CHRDL1: variants seen among roughly 807,000 people sequenced by gnomAD.
The protein encoded by CHRDL1 is chordin like 1.
A neutral mutation model predicts 40.9 loss-of-function variants in CHRDL1; 19 were observed. That is an observed-to-expected ratio of 0.46 (90% CI 0.32 to 0.68). CHRDL1 has a LOEUF of 0.68. Ranked by LOEUF, CHRDL1 falls within the 30% of genes least tolerant of loss-of-function variation. CHRDL1 has a pLI of 0.03. For synonymous variants in CHRDL1, 136 were observed against 123.4 expected, an observed-to-expected ratio of 1.10 and a Z score of -0.68; for missense variants, 329 against 352.1, an observed-to-expected ratio of 0.93 and a Z score of 0.53.
rs778431311 is a variant in CHRDL1 at position 110,759,684 on chromosome X, T to A, written c.278A>T (p.His93Leu). ...ACCTGGGCAGCGAGGGCAGCACAGA[T>A]GAGGAATATGCACAGGAGAAAGGCA... The part of the protein sequence containing the change: ...VHCLSPVHIP[H>L]LCCPRCPEDS... Residue 93 changes from histidine to leucine, a missense_variant, in exon 4 of 12, where the codon CAT becomes CTT. His to Leu is a moderately conservative substitution (Grantham distance 99). Transcript: ENST00000372042. 1 of 1,199,080 alleles carries A rather than the reference T, an allele frequency of 8.3e-7. No individual in the cohort carries two copies. Among genetic ancestry groups the A allele is most frequent in the Non-Finnish European group, 1.1e-6 (1 of 885,575 alleles).
Position 110,676,196 on chromosome X carries a change from T to A in CHRDL1, c.*35A>T. On this transcript the variant is annotated 3_prime_UTR_variant, in exon 12 of 12. Transcript: ENST00000372042. ...TGCAGTCCAGCTGCAGCTTGAGTTT[T>A]CTTGCTTTACCCTATCCAATACTGT... 8.5e-7 allele frequency: 1 copy of A among 1,182,366 alleles called. No homozygotes were observed. The highest frequency in any genetic ancestry group is 1.1e-6 in the Non-Finnish European group (1 of 880,253).
chrX:110,789,581 G>A (rs893012503), intron 2 of CHRDL1, among the ~76,000 whole-genome samples: 1 of 112,171 alleles, frequency 8.9e-6, no homozygotes, highest in African/African-American at 3.2e-5. Flanking sequence ...AAAGAATATG[G>A]CACTATTACA....
chrX:110,783,878 T>C (rs2089979887), intron 2 of CHRDL1, among the ~76,000 whole-genome samples: 1 of 112,125 alleles, frequency 8.9e-6, no homozygotes, highest in African/African-American at 3.2e-5. Context: ...AGTAACTTCA[T>C]CACCAGTCCA....
intron 8 of CHRDL1, among the ~76,000 whole-genome samples, chrX:110,693,589 G>A (rs994476443): frequency 7.3e-5 from 8 of 110,284 alleles, no homozygotes; most frequent in Non-Finnish European, 1.1e-4. Flanking sequence ...CCCTGGCCTC[G>A]AGTGATCCTC....
At chrX:110,794,315 C>T (rs1283292679) in intron 1 of CHRDL1, among the ~76,000 whole-genome samples, 1 of 112,062 alleles carries the variant, frequency 8.9e-6, no homozygotes, top group Non-Finnish European at 1.9e-5. Context: ...GTTATTTCTG[C>T]ATTAACTCTC....
intron 2 of CHRDL1, among the ~76,000 whole-genome samples, chrX:110,785,491 T>G (rs73528290): frequency 7.1e-4 from 79 of 111,678 alleles, no homozygotes; most frequent in African/African-American, 2.4e-3. Flanking sequence ...GGGTGATGGC[T>G]ACACTAAAAG....
intron 2 of CHRDL1, among the ~76,000 whole-genome samples, chrX:110,763,187 T>C (rs2089595922): frequency 9.0e-6 from 1 of 110,773 alleles, no homozygotes; most frequent in Non-Finnish European, 1.9e-5. Context: ...ATGAGTAAGT[T>C]CTTTAGTGGT....
chrX:110,686,898 TA>T lies in CHRDL1; in HGVS notation c.988+1695del, dbSNP rs773964159. Among the ~76,000 whole-genome samples the T allele has an allele frequency of 1.1e-3, 98 of 90,944 alleles. 4 individuals are homozygous for T. The highest frequency in any genetic ancestry group is 2.9e-3 in the African/African-American group (66 of 23,141). The allele number at this position is 90,944 out of a possible 115,157, so 79.0% of individuals were successfully genotyped here. ...GACTCTGTCTCAAAAAAACAAAAAATAAAAAAAAAAATAAAAAGAATGTGTT... is the reference window on the plus strand; with the variant it reads ...GACTCTGTCTCAAAAAAACAAAAAATAAAAAAAAAATAAAAAGAATGTGTT... On this transcript the variant is annotated intron_variant, in intron 9 of 11. Transcript: ENST00000372042.
At chrX:110,793,906 T>C (rs185846545) in intron 1 of CHRDL1, among the ~76,000 whole-genome samples, 5 of 112,314 alleles carry the variant, frequency 4.5e-5, no homozygotes, top group African/African-American at 1.6e-4. Flanking sequence ...TCCCAACTAA[T>C]ATTATGAGCA....
chrX:110,771,311 G>A (rs2089755711), intron 2 of CHRDL1, among the ~76,000 whole-genome samples: 1 of 111,303 alleles, frequency 9.0e-6, no homozygotes, highest in Non-Finnish European at 1.9e-5. Flanking sequence ...GAAGAGGAGG[G>A]AATACTTCCC....
At chrX:110,756,352 T>C (rs1420243843) in intron 4 of CHRDL1, among the ~76,000 whole-genome samples, 1 of 111,719 alleles carries the variant, frequency 9.0e-6, no homozygotes, top group African/African-American at 3.2e-5. Flanking sequence ...TCCAAATGGC[T>C]GAGGAGAAAC....
intron 6 of CHRDL1, among the ~76,000 whole-genome samples, chrX:110,715,370 G>A (rs1158921340): frequency 9.0e-6 from 1 of 110,606 alleles, no homozygotes; most frequent in East Asian, 2.8e-4. Context: ...TTAACTCGGG[G>A]GTAATAAATA....
chrX:110,772,090 A>T (rs753759845), intron 2 of CHRDL1, among the ~76,000 whole-genome samples: 1 of 26,623 alleles, frequency 3.8e-5, no homozygotes, highest in East Asian at 1.8e-3. Flanking sequence ...GAAAGCTAAA[A>T]AACGCTGATG....
intron 9 of CHRDL1, among the ~76,000 whole-genome samples, chrX:110,685,237 T>G (rs1378617382): frequency 2.7e-5 from 3 of 112,256 alleles, no homozygotes; most frequent in Non-Finnish European, 5.6e-5. Context: ...TTCTTTTTTT[T>G]GTCTTAGCAT....
intron 8 of CHRDL1, among the ~76,000 whole-genome samples, chrX:110,691,911 T>C (rs774094730): frequency 9.2e-6 from 1 of 108,145 alleles, no homozygotes; most frequent in African/African-American, 3.4e-5. Context: ...CTGTTCACTC[T>C]CCTGCCCTTA....
At chrX:110,707,090 G>C (rs2070654739) in intron 6 of CHRDL1, among the ~76,000 whole-genome samples, 1 of 111,436 alleles carries the variant, frequency 9.0e-6, no homozygotes, top group Non-Finnish European at 1.9e-5. Context: ...AGTAGAAGCA[G>C]ATGACTTTAG....
intron 2 of CHRDL1, among the ~76,000 whole-genome samples, chrX:110,787,780 G>A (rs960086838): frequency 3.6e-5 from 4 of 112,557 alleles, no homozygotes; most frequent in African/African-American, 1.3e-4. Flanking sequence ...TGAAGATCCA[G>A]TTAACTACCT....
At chrX:110,694,846 G>A (rs1259920701) in intron 7 of CHRDL1, among the ~76,000 whole-genome samples, 1 of 111,796 alleles carries the variant, frequency 8.9e-6, no homozygotes, top group African/African-American at 3.3e-5. Flanking sequence ...AATAGTCCAG[G>A]CAGAGGTTTA....
chrX:110,707,225 C>A (rs1279688587), intron 6 of CHRDL1, among the ~76,000 whole-genome samples: 1 of 111,247 alleles, frequency 9.0e-6, no homozygotes, highest in African/African-American at 3.3e-5. Flanking sequence ...TTTGAGCTTC[C>A]AATGATGATA....
Sources: gnomAD v4.1 joint callset for allele counts (sites outside exome capture counted in the v4.1 genomes callset) on GRCh38, gnomAD v4.1.1 for gene constraint, MANE v1.5 for transcripts, NCBI Gene and HGNC (gene_info 2026-07-23, HGNC 2026-07-21) for gene names.